The following SHC3 variants were observed in gnomAD, a reference collection of about 807,000 sequenced individuals.
SHC3 encodes SHC adaptor protein 3.
Under a neutral mutation model 60.4 loss-of-function variants are expected in SHC3, and 15 were observed. The ratio of observed to expected loss-of-function variants is 0.25; its 90% confidence interval spans 0.17 to 0.38. The LOEUF (loss-of-function observed/expected upper bound fraction) is 0.38, where lower values mean the gene tolerates loss of function less well. SHC3 is among the 10% of genes least tolerant of loss of function. SHC3 has a pLI of 1.00. For synonymous variants in SHC3, 294 were observed against 325.9 expected, an observed-to-expected ratio of 0.90 and a Z score of 1.05; for missense variants, 677 against 786.1, an observed-to-expected ratio of 0.86 and a Z score of 1.66.
At chr9:89,122,770 G>C (rs761377771) in intron 1 of SHC3, among the ~76,000 whole-genome samples, 19 of 152,356 alleles carry the variant, frequency 1.2e-4, no homozygotes, top group Admixed American at 7.8e-4. Flanking sequence ...GACTTGGATG[G>C]AGCAGGTGCT....
chr9:89,070,356 G>A (rs1825251033), intron 5 of SHC3, among the ~76,000 whole-genome samples: 1 of 152,222 alleles, frequency 6.6e-6, no homozygotes, highest in Admixed American at 6.5e-5. Context: ...GGAAAGGGCT[G>A]ACTTGGCTTT....
At chr9:89,177,617 C>A (rs1826960226) in intron 1 of SHC3, among the ~76,000 whole-genome samples, 1 of 152,192 alleles carries the variant, frequency 6.6e-6, no homozygotes, top group Non-Finnish European at 1.5e-5. Flanking sequence ...GCCCAGCTCT[C>A]CCCAGCGCGT....
chr9:89,172,777 C>A (rs1430359539), intron 1 of SHC3, among the ~76,000 whole-genome samples: 1 of 152,222 alleles, frequency 6.6e-6, no homozygotes, highest in Non-Finnish European at 1.5e-5. Flanking sequence ...TCCATTGCAT[C>A]TGAAACCATT....
At chr9:89,022,038 A>AC (rs1826210153) in intron 11 of SHC3, among the ~76,000 whole-genome samples, 1 of 152,142 alleles carries the variant, frequency 6.6e-6, no homozygotes, top group African/African-American at 2.4e-5. Flanking sequence ...TGTAGCGAAC[A>AC]AAGGCACAAT....
chr9:89,154,343 A>T (rs1368215461), intron 1 of SHC3, among the ~76,000 whole-genome samples: 1 of 152,210 alleles, frequency 6.6e-6, no homozygotes, highest in South Asian at 2.1e-4. Flanking sequence ...AAAGTTGTCC[A>T]TGTGTCCACA....
chr9:89,043,252 C>T (rs190991929), intron 9 of SHC3, among the ~76,000 whole-genome samples: 21 of 152,290 alleles, frequency 1.4e-4, no homozygotes, highest in Admixed American at 2.6e-4. Context: ...AATGAAGTGT[C>T]GTGCTAACAT....
At chr9:89,161,111 T>C (rs1027941998) in intron 1 of SHC3, among the ~76,000 whole-genome samples, 10 of 152,308 alleles carry the variant, frequency 6.6e-5, no homozygotes, top group African/African-American at 2.2e-4. Flanking sequence ...TGATAGAGTT[T>C]GGATCTGGTC....
chr9:89,177,698 G>A (rs1826962036), intron 1 of SHC3, among the ~76,000 whole-genome samples: 1 of 152,254 alleles, frequency 6.6e-6, no homozygotes, highest in Non-Finnish European at 1.5e-5. Context: ...TCAGACATCT[G>A]GTAAGCCAGG....
At chr9:89,015,457 A>G (rs1587673960) in intron 11 of SHC3, among the ~76,000 whole-genome samples, 1 of 152,362 alleles carries the variant, frequency 6.6e-6, no homozygotes, top group Admixed American at 6.5e-5. Context: ...GGGCCTGGAC[A>G]CCAAGTGTCT....
At chr9:89,021,973 C>A (rs1306182565) in intron 11 of SHC3, among the ~76,000 whole-genome samples, 1 of 152,134 alleles carries the variant, frequency 6.6e-6, no homozygotes, top group Non-Finnish European at 1.5e-5. Context: ...GTAAGTCACA[C>A]GACTTGCCCG....
chr9:89,109,235 C>T (rs1029051859), intron 2 of SHC3: 6 of 842,374 alleles, frequency 7.1e-6, no homozygotes, highest in African/African-American at 1.8e-5. Context: ...GTCCATGCAA[C>T]CCAGAAATGT....
intron 2 of SHC3, among the ~76,000 whole-genome samples, chr9:89,107,119 T>TA (rs1825870990): frequency 6.6e-6 from 1 of 152,154 alleles, no homozygotes; most frequent in African/African-American, 2.4e-5. Flanking sequence ...AGTGACCACT[T>TA]ACATTCCAGT....
intron 1 of SHC3, among the ~76,000 whole-genome samples, chr9:89,169,902 G>C (rs1826844114): frequency 1.3e-5 from 2 of 152,214 alleles, no homozygotes; most frequent in South Asian, 4.1e-4. Context: ...AAGGTTGGCA[G>C]GTGACCTTGC....
intron 1 of SHC3, among the ~76,000 whole-genome samples, chr9:89,177,522 G>T (rs1444591603): frequency 1.3e-5 from 2 of 152,202 alleles, no homozygotes. Context: ...CTTGCTGCGG[G>T]GGGCAACAAG....
At chr9:89,090,274 T>C (rs1300435372) in intron 2 of SHC3, among the ~76,000 whole-genome samples, 1 of 152,166 alleles carries the variant, frequency 6.6e-6, no homozygotes, top group Non-Finnish European at 1.5e-5. Flanking sequence ...CTCTGTGACA[T>C]GAGAACATGA....
intron 1 of SHC3, among the ~76,000 whole-genome samples, chr9:89,128,181 G>C (rs903623189): frequency 2.0e-5 from 3 of 152,110 alleles, no homozygotes; most frequent in African/African-American, 7.2e-5. Flanking sequence ...ACTTTAGTAA[G>C]CTTTGAGAAA....
chr9:89,083,528 C>G (rs1817285815), intron 2 of SHC3, among the ~76,000 whole-genome samples: 1 of 152,058 alleles, frequency 6.6e-6, no homozygotes, highest in Non-Finnish European at 1.5e-5. Context: ...TTTACTAGAC[C>G]CTGATATGAT....
chr9:89,018,890 T>C (rs1826148716), intron 11 of SHC3, among the ~76,000 whole-genome samples: 1 of 151,514 alleles, frequency 6.6e-6, no homozygotes, highest in Non-Finnish European at 1.5e-5. Context: ...ACCCCATCTC[T>C]ACCAACAAAA....
chr9:89,148,317 T>A (rs1460174489), intron 1 of SHC3, among the ~76,000 whole-genome samples: 1 of 152,096 alleles, frequency 6.6e-6, no homozygotes, highest in East Asian at 1.9e-4. Flanking sequence ...ACAATGAGGG[T>A]TAAAAAAATG....
Sources: gnomAD v4.1 joint callset for allele counts (sites outside exome capture counted in the v4.1 genomes callset) on GRCh38, gnomAD v4.1.1 for gene constraint, MANE v1.5 for transcripts, NCBI Gene and HGNC (gene_info 2026-07-23, HGNC 2026-07-21) for gene names.